The following DIP2B variants were observed in gnomAD, a reference collection of about 807,000 sequenced individuals.
DIP2B encodes the protein disco-interacting protein 2 homolog B.
A neutral mutation model predicts 198.0 loss-of-function variants in DIP2B; 76 were observed. The ratio of observed to expected loss-of-function variants is 0.38; its 90% CI spans 0.32 to 0.46. The LOEUF is 0.46. DIP2B is among the 20% of genes least tolerant of loss of function. The probability of loss-of-function intolerance (pLI) is 0.99; values close to 1 mark genes in which losing one functional copy is unlikely to be tolerated. For synonymous variants in DIP2B, 701 were observed against 739.1 expected (o/e 0.95, Z 0.84); for missense variants, 1,559 against 1,978.4 (o/e 0.79, Z 4.02).
At position 50,748,639 on chromosome 12, in the gene DIP2B, A is replaced by C. The variant is rs1007594488; in HGVS notation, c.*3800A>C. On this transcript the variant is annotated 3_prime_UTR_variant, in exon 38 of 38. Transcript: ENST00000301180. ...GAATGTGTTTCCTTTGTCTTGTGTT[A>C]ATAAATATTGATGCCTGATTCTGTT... is the stretch of plus-strand genomic sequence containing the variant. 1 of 152,636 alleles carries C rather than the reference A, an allele frequency of 6.6e-6. No homozygotes were observed. Among genetic ancestry groups the C allele is most frequent in the South Asian group, 2.1e-4 (1 of 4,836 alleles). The allele number at this position is 152,636 out of a possible 1,614,324, so 9.5% of individuals were successfully genotyped here.
At position 50,516,989 on chromosome 12, in the gene DIP2B, C is replaced by CT. The variant is rs548754800; in HGVS notation, c.100+11750dup. Reference sequence around the variant, plus strand: ...CCAGCCTGGGCGACAGAGCAAGACTCTGTCTCAAAATCCGCCTCCCGGGTT... The same window carrying CT: ...CCAGCCTGGGCGACAGAGCAAGACTCTTGTCTCAAAATCCGCCTCCCGGGTT... On this transcript the variant is annotated intron_variant, in intron 1 of 37. Coordinates refer to ENST00000301180, the MANE Select transcript of DIP2B (RefSeq NM_173602.3). Among the ~76,000 whole-genome samples the CT allele has an allele frequency of 1.7e-4, 25 of 151,418 alleles. No individual in the cohort carries two copies. The East Asian group carries it at 3.0e-3, about 18-fold the overall frequency.
chr12:50,637,157 G>A (rs1181092936), intron 2 of DIP2B, among the ~76,000 whole-genome samples: 2 of 152,056 alleles, frequency 1.3e-5, no homozygotes, highest in African/African-American at 4.8e-5. Context: ...AATCTGTAAC[G>A]GGCATCCTGC....
At chr12:50,723,942 G>C (rs1366640380) in intron 27 of DIP2B, among the ~76,000 whole-genome samples, 1 of 152,180 alleles carries the variant, frequency 6.6e-6, no homozygotes, top group African/African-American at 2.4e-5. Flanking sequence ...GGAGATGATA[G>C]AAGTTTTTAT....
chr12:50,528,761 G>T (rs890618049), intron 1 of DIP2B, among the ~76,000 whole-genome samples: 1 of 152,228 alleles, frequency 6.6e-6, no homozygotes, highest in Non-Finnish European at 1.5e-5. Flanking sequence ...AGAGGCGACT[G>T]CAAAGACATG....
intron 27 of DIP2B, 48 bp from the exon 28 acceptor site, chr12:50,724,727 G>A (rs1939899539): frequency 1.3e-6 from 2 of 1,569,038 alleles, no homozygotes; most frequent in African/African-American, 1.4e-5. Context: ...GTGGTGCCAT[G>A]TTGGGGCTGA....
chr12:50,577,037 G>T, intron 1 of DIP2B, among the ~76,000 whole-genome samples: 1 of 151,702 alleles, frequency 6.6e-6, no homozygotes, highest in East Asian at 1.9e-4. Flanking sequence ...AGTAGAGGGG[G>T]CTTTCACCAT....
intron 28 of DIP2B, among the ~76,000 whole-genome samples, chr12:50,725,294 CT>C (rs775489310): frequency 6.6e-6 from 1 of 152,164 alleles, no homozygotes; most frequent in Non-Finnish European, 1.5e-5. Context: ...TTACCTACTG[CT>C]TGTGTAATCT....
intron 1 of DIP2B, among the ~76,000 whole-genome samples, chr12:50,531,831 A>G (rs1958219864): frequency 4.6e-5 from 7 of 152,244 alleles, no homozygotes; most frequent in Admixed American, 4.6e-4. Flanking sequence ...ACTTAGTTTT[A>G]TTCACTGCTT....
chr12:50,505,308 C>T (rs926247134), intron 1 of DIP2B, 68 bp downstream of exon 1: 9 of 1,290,240 alleles, frequency 7.0e-6, no homozygotes, highest in Non-Finnish European at 8.1e-6. Context: ...AGACAGGTCC[C>T]CGCCGCGCGC....
chr12:50,531,538 T>G (rs1228494222), intron 1 of DIP2B, among the ~76,000 whole-genome samples: 1 of 152,064 alleles, frequency 6.6e-6, no homozygotes. Flanking sequence ...ACTGAGAAAA[T>G]GCAATTGAGA....
intron 1 of DIP2B, among the ~76,000 whole-genome samples, chr12:50,541,207 A>C (rs527359259): frequency 6.6e-6 from 1 of 152,178 alleles, no homozygotes; most frequent in Non-Finnish European, 1.5e-5. Flanking sequence ...TGACAAGGCC[A>C]TATGTATCAA....
chr12:50,673,411 A>C (rs932400771), intron 5 of DIP2B, among the ~76,000 whole-genome samples: 1 of 152,316 alleles, frequency 6.6e-6, no homozygotes, highest in Non-Finnish European at 1.5e-5. Flanking sequence ...CTAAAAAACT[A>C]TGTGGTGTTT....
At chr12:50,618,766 G>T (rs1937749151) in intron 1 of DIP2B, among the ~76,000 whole-genome samples, 1 of 152,102 alleles carries the variant, frequency 6.6e-6, no homozygotes, top group African/African-American at 2.4e-5. Context: ...TGAGGCTCTT[G>T]GAACAGAGAC....
intron 1 of DIP2B, among the ~76,000 whole-genome samples, chr12:50,623,268 G>A (rs1414112141): frequency 2.0e-5 from 3 of 151,926 alleles, no homozygotes; most frequent in Non-Finnish European, 4.4e-5. Flanking sequence ...AGCCACTTGG[G>A]AGGCTGAGGT....
At chr12:50,579,709 A>T (rs1228011241) in intron 1 of DIP2B, among the ~76,000 whole-genome samples, 1 of 99,676 alleles carries the variant, frequency 1.0e-5, no homozygotes, top group African/African-American at 3.7e-5. Context: ...ATATATATAT[A>T]TATATATATA....
At position 50,727,789 on chromosome 12, in the gene DIP2B, A is replaced by G; in HGVS notation, c.3487A>G (p.Thr1163Ala). ...LAYLDFSVST[T>A]GMLTGVKMSH... Reference sequence around the variant, plus strand: ...ATATCTTGATTTTAGTGTCTCCACAACTGGCATGCTTACAGGAGTGAAGGT... The same window carrying G: ...ATATCTTGATTTTAGTGTCTCCACAGCTGGCATGCTTACAGGAGTGAAGGT... Residue 1163 changes from threonine (T) to alanine (A), a missense_variant, in exon 29 of 38, where the codon ACT becomes GCT. Coordinates refer to ENST00000301180, the MANE Select transcript of DIP2B (RefSeq NM_173602.3). The G allele has an allele frequency of 6.2e-7, 1 of 1,614,190 alleles. No individual in the cohort carries two copies. Among genetic ancestry groups the G allele is most frequent in the East Asian group, 2.2e-5 (1 of 44,886 alleles).
rs190207866 is a variant in DIP2B at position 50,647,727 on chromosome 12, A to C, written c.301+6875A>C. Reference sequence around the variant, plus strand: ...GTCTATGGAAAAATCCTAACAAGTAAGGTCACTTGGTCTGAGTTCTGGCCC... The same window carrying C: ...GTCTATGGAAAAATCCTAACAAGTACGGTCACTTGGTCTGAGTTCTGGCCC... On this transcript the variant is annotated intron_variant, in intron 3 of 37. Transcript: ENST00000301180. Among the ~76,000 whole-genome samples, 118 of 152,300 alleles carry C rather than the reference A, an allele frequency of 7.7e-4. 1 individual carries two copies. The highest frequency in any genetic ancestry group is 2.6e-3 in the African/African-American group (108 of 41,568).
intron 1 of DIP2B, among the ~76,000 whole-genome samples, chr12:50,536,677 C>T (rs971656940): frequency 8.6e-5 from 13 of 151,394 alleles, no homozygotes; most frequent in African/African-American, 3.2e-4. Context: ...AAGCGATTCT[C>T]CCACCTCAGC....
chr12:50,571,576 G>A (rs1425355240), intron 1 of DIP2B, among the ~76,000 whole-genome samples: 5 of 118,036 alleles, frequency 4.2e-5, no homozygotes, highest in Admixed American at 9.5e-5. Context: ...TTTTTGAGAC[G>A]GAGTCTCACT....
Sources: allele counts gnomAD v4.1 joint callset (sites outside exome capture counted in the v4.1 genomes callset), GRCh38; gene constraint gnomAD v4.1.1; transcripts MANE v1.5; gene names NCBI Gene and HGNC (gene_info 2026-07-23, HGNC 2026-07-21).